KLHL29: variants seen among roughly 807,000 people sequenced by gnomAD.
KLHL29 encodes kelch like family member 29.
In KLHL29, 21 loss-of-function variants were observed where a neutral mutation model predicts 80.4. That is an observed-to-expected ratio of 0.26 (90% CI 0.19 to 0.38). The LOEUF (loss-of-function observed/expected upper bound fraction) is 0.38, where lower values mean the gene tolerates loss of function less well. Among genes scored for constraint, KLHL29 ranks in the 10% least tolerant of loss-of-function variants. The pLI is 1.00. For missense variants in KLHL29, 867 were observed against 1,223.9 expected (o/e 0.71, Z 4.35); for synonymous variants, 511 against 526.8 (o/e 0.97, Z 0.41).
At chr2:23,404,158 G>A (rs1206326745) in intron 1 of KLHL29, among the ~76,000 whole-genome samples, 1 of 152,092 alleles carries the variant, frequency 6.6e-6, no homozygotes, top group Non-Finnish European at 1.5e-5. Context: ...GTGAAATGCT[G>A]GTGATTACAA....
At chr2:23,547,947 G>T (rs765595628) in intron 2 of KLHL29, among the ~76,000 whole-genome samples, 1 of 152,118 alleles carries the variant, frequency 6.6e-6, no homozygotes, top group Non-Finnish European at 1.5e-5. Flanking sequence ...CAGAGGTGGC[G>T]CTATGCCACT....
chr2:23,403,002 GTACTA>G (rs1042376704), intron 1 of KLHL29, among the ~76,000 whole-genome samples: 1 of 149,998 alleles, frequency 6.7e-6, no homozygotes, highest in Non-Finnish European at 1.5e-5. Context: ...CACTGTAGAC[GTACTA>G]TACTATATAT....
chr2:23,543,328 CAT>C (rs1348658358), intron 2 of KLHL29, among the ~76,000 whole-genome samples: 2 of 152,146 alleles, frequency 1.3e-5, no homozygotes, highest in East Asian at 3.9e-4. Flanking sequence ...AGGGCACAGA[CAT>C]GGGCAGCGCC....
chr2:23,534,875 T>A (rs1213787354), intron 2 of KLHL29, among the ~76,000 whole-genome samples: 1 of 152,238 alleles, frequency 6.6e-6, no homozygotes, highest in Non-Finnish European at 1.5e-5. Flanking sequence ...TAGAACCCCC[T>A]GCAGGCTTTT....
intron 3 of KLHL29, among the ~76,000 whole-genome samples, chr2:23,619,692 T>TC (rs1669119595): frequency 6.6e-6 from 1 of 152,060 alleles, no homozygotes; most frequent in African/African-American, 2.4e-5. Context: ...TAGAAAGGAC[T>TC]CAGAAGTTCC....
At chr2:23,654,029 T>C (rs1295546271) in intron 5 of KLHL29, among the ~76,000 whole-genome samples, 1 of 151,888 alleles carries the variant, frequency 6.6e-6, no homozygotes, top group African/African-American at 2.4e-5. Flanking sequence ...TAGCCGGGTG[T>C]GGTGATGGGT....
At chr2:23,537,516 C>T (rs887522819) in intron 2 of KLHL29, among the ~76,000 whole-genome samples, 2 of 144,274 alleles carry the variant, frequency 1.4e-5, no homozygotes, top group African/African-American at 5.0e-5. Flanking sequence ...CCTGTGTAAC[C>T]ACTCATGCCC....
intron 3 of KLHL29, among the ~76,000 whole-genome samples, chr2:23,587,508 C>A (rs1411186886): frequency 6.6e-6 from 1 of 152,210 alleles, no homozygotes; most frequent in Non-Finnish European, 1.5e-5. Context: ...CGAGTCCCCC[C>A]TCCACTGCCT....
At chr2:23,590,648 T>C (rs1472002080) in intron 3 of KLHL29, among the ~76,000 whole-genome samples, 1 of 152,046 alleles carries the variant, frequency 6.6e-6, no homozygotes, top group African/African-American at 2.4e-5. Context: ...AGGCTGCGGA[T>C]CCATCCCCGA....
At chr2:23,400,700 T>C (rs993155638) in intron 1 of KLHL29, among the ~76,000 whole-genome samples, 7 of 151,680 alleles carry the variant, frequency 4.6e-5, no homozygotes, top group Non-Finnish European at 8.8e-5. Flanking sequence ...ATTAGCCAGA[T>C]GTAGTGGTAC....
intron 2 of KLHL29, among the ~76,000 whole-genome samples, chr2:23,504,235 A>C (rs990473306): frequency 1.3e-5 from 2 of 152,260 alleles, no homozygotes; most frequent in Non-Finnish European, 2.9e-5. Flanking sequence ...TTTAAAAATT[A>C]ATATTTGTGC....
chr2:23,433,443 G>A (rs1352923738), intron 1 of KLHL29, among the ~76,000 whole-genome samples: 3 of 152,184 alleles, frequency 2.0e-5, no homozygotes, highest in Non-Finnish European at 4.4e-5. Flanking sequence ...GAGTGGCCGC[G>A]GAGGCCACTG....
intron 2 of KLHL29, among the ~76,000 whole-genome samples, chr2:23,527,033 G>T (rs982758905): frequency 6.6e-6 from 1 of 152,162 alleles, no homozygotes; most frequent in Non-Finnish European, 1.5e-5. Flanking sequence ...GACATGTGTT[G>T]TGTCACTTCC....
At chr2:23,701,816 T>A (rs1021780358) in intron 11 of KLHL29, among the ~76,000 whole-genome samples, 4 of 89,120 alleles carry the variant, frequency 4.5e-5, no homozygotes, top group Non-Finnish European at 9.2e-5. Context: ...TTTTTTTTTT[T>A]TTTCAGACGG....
At chr2:23,410,938 C>T (rs551899590) in intron 1 of KLHL29, among the ~76,000 whole-genome samples, 1 of 152,302 alleles carries the variant, frequency 6.6e-6, no homozygotes, top group South Asian at 2.1e-4. Flanking sequence ...TGCTCCCTCC[C>T]TCCTCTGACC....
chr2:23,518,229 A>G (rs927045939), intron 2 of KLHL29, among the ~76,000 whole-genome samples: 1 of 152,156 alleles, frequency 6.6e-6, no homozygotes, highest in African/African-American at 2.4e-5. Context: ...CTCCTCCCAC[A>G]TGACCCTGAC....
At chr2:23,588,502 C>T (rs1007260932) in intron 3 of KLHL29, among the ~76,000 whole-genome samples, 1 of 152,212 alleles carries the variant, frequency 6.6e-6, no homozygotes, top group Non-Finnish European at 1.5e-5. Flanking sequence ...CACACCACAG[C>T]AGTGGTACCT....
rs140120644 is a variant in KLHL29 at position 23,548,588 on chromosome 2, A to C, written c.-45-13564A>C. Among the ~76,000 whole-genome samples, 296 of 152,222 alleles carry C rather than the reference A, an allele frequency of 1.9e-3. 1 individual carries two copies. The highest frequency in any genetic ancestry group is 6.8e-3 in the African/African-American group (284 of 41,542). ...GAGCCAGTGTGCGATGCGCCAACCC[A>C]TCTCTCCTTTTGCCACAGTGGCCAG... is the stretch of plus-strand genomic sequence containing the variant. On this transcript the variant is annotated intron_variant, in intron 2 of 13. Transcript: ENST00000486442.
intron 3 of KLHL29, among the ~76,000 whole-genome samples, chr2:23,578,466 TTAA>T (rs1415358159): frequency 6.6e-6 from 1 of 152,240 alleles, no homozygotes; most frequent in Non-Finnish European, 1.5e-5. Flanking sequence ...ATTAAATGAA[TTAA>T]TAATACAAAG....
Sources: allele counts gnomAD v4.1 joint callset (sites outside exome capture counted in the v4.1 genomes callset), GRCh38; gene constraint gnomAD v4.1.1; transcripts MANE v1.5; gene names NCBI Gene and HGNC (gene_info 2026-07-23, HGNC 2026-07-21).